Variants in GRB10 observed in about 807,000 individuals in gnomAD.
GRB10 encodes growth factor receptor bound protein 10, also known as growth factor receptor-bound protein 10.
In GRB10, 20 loss-of-function variants were observed where a neutral mutation model predicts 80.9. The observed-to-expected ratio is 0.25, with a 90% CI of 0.17 to 0.36. The LOEUF is 0.36. Among genes scored for constraint, GRB10 ranks in the 10% least tolerant of loss-of-function variants. GRB10 has a pLI of 1.00. For synonymous variants in GRB10, 291 were observed against 291.5 expected (o/e 1.00, Z 0.02); for missense variants, 548 against 747.7 (o/e 0.73, Z 3.12).
At chr7:50,661,271 C>T (rs566565681) in intron 7 of GRB10, among the ~76,000 whole-genome samples, 2 of 152,300 alleles carry the variant, frequency 1.3e-5, no homozygotes, top group Admixed American at 1.3e-4. Context: ...ATTGTATGCA[C>T]AAACCCTTAT....
chr7:50,741,764 A>G (rs2071799018), intron 3 of GRB10, among the ~76,000 whole-genome samples: 1 of 152,168 alleles, frequency 6.6e-6, no homozygotes, highest in Non-Finnish European at 1.5e-5. Context: ...TAAAGACAAA[A>G]TAAATGAACA....
At chr7:50,707,262 T>C (rs1563530178) in intron 4 of GRB10, among the ~76,000 whole-genome samples, 1 of 152,220 alleles carries the variant, frequency 6.6e-6, no homozygotes, top group Admixed American at 6.5e-5. Context: ...GAAAATACAA[T>C]GACTCCTTCC....
chr7:50,709,026 G>C (rs963395679), intron 4 of GRB10, among the ~76,000 whole-genome samples: 6 of 152,150 alleles, frequency 3.9e-5, no homozygotes, highest in African/African-American at 7.2e-5. Flanking sequence ...CTACCTCTAG[G>C]GGAAGGTGAA....
At chr7:50,772,048 C>T (rs1200944577) in intron 2 of GRB10, among the ~76,000 whole-genome samples, 4 of 152,148 alleles carry the variant, frequency 2.6e-5, no homozygotes, top group Non-Finnish European at 4.4e-5. Flanking sequence ...GTACAAGAGG[C>T]GAAGTGAAAT....
chr7:50,768,790 G>A (rs904371385), intron 2 of GRB10, among the ~76,000 whole-genome samples: 3 of 152,208 alleles, frequency 2.0e-5, no homozygotes, highest in Non-Finnish European at 2.9e-5. Context: ...GTTCACAAGT[G>A]TCTGAAAGGG....
chr7:50,596,012 G>A (rs1357267548), intron 17 of GRB10, among the ~76,000 whole-genome samples: 2 of 152,128 alleles, frequency 1.3e-5, no homozygotes, highest in Admixed American at 1.3e-4. Context: ...TAATACGGGA[G>A]AAGATGAAAA....
At chr7:50,790,733 C>T (rs976111821) in intron 1 of GRB10, among the ~76,000 whole-genome samples, 4 of 152,248 alleles carry the variant, frequency 2.6e-5, no homozygotes, top group Non-Finnish European at 5.9e-5. Flanking sequence ...AGATTCCATT[C>T]CTTAAATTAT....
At chr7:50,617,013 G>A (rs116107910) in intron 10 of GRB10, among the ~76,000 whole-genome samples, 143 of 152,294 alleles carry the variant, frequency 9.4e-4, no homozygotes, top group African/African-American at 3.2e-3. Context: ...AAGGCACGTC[G>A]GACAGAGCCC....
intron 8 of GRB10, among the ~76,000 whole-genome samples, chr7:50,622,005 G>A (rs1057440109): frequency 3.9e-5 from 6 of 152,196 alleles, no homozygotes; most frequent in Admixed American, 1.3e-4. Context: ...GCCGGTGCAC[G>A]GAAGCTGTGC....
At chr7:50,739,609 G>GT (rs2071387398) in intron 3 of GRB10, among the ~76,000 whole-genome samples, 1 of 152,184 alleles carries the variant, frequency 6.6e-6, no homozygotes, top group African/African-American at 2.4e-5. Context: ...CTGTTCTACT[G>GT]TATTTATTAA....
chr7:50,792,987 C>T lies in GRB10; in HGVS notation c.-294+237G>A, dbSNP rs1588153522. On this transcript the variant is annotated intron_variant, in intron 1 of 16. Coordinates refer to the GRB10 transcript ENST00000335866. ...CGGCTGCCTCCGCCTCCGCCGCGCG[C>T]CCGCAGCCCCAGTCCCGCCTCCGAG... 1.4e-5 allele frequency: 2 copies of T among 144,360 alleles called. 1 individual carries two copies. The highest frequency in any genetic ancestry group is 4.2e-4 in the South Asian group (2 of 4,760). 8.9% of individuals were successfully genotyped at this position (144,360 alleles called of 1,614,324 possible).
intron 4 of GRB10, among the ~76,000 whole-genome samples, chr7:50,727,550 T>C (rs1467834408): frequency 6.6e-6 from 1 of 152,258 alleles, no homozygotes; most frequent in Admixed American, 6.5e-5. Context: ...TATTTACTAA[T>C]ATGTAATTAA....
intron 4 of GRB10, among the ~76,000 whole-genome samples, chr7:50,714,181 G>T (rs1012074809): frequency 1.3e-5 from 2 of 152,066 alleles, no homozygotes; most frequent in Non-Finnish European, 2.9e-5. Context: ...ATATTAATTT[G>T]TTAGAATAGT....
At chr7:50,702,087 C>A (rs2064319209) in intron 5 of GRB10, among the ~76,000 whole-genome samples, 1 of 152,222 alleles carries the variant, frequency 6.6e-6, no homozygotes, top group Admixed American at 6.5e-5. Context: ...CAGTCTGGAG[C>A]TGCTGCCTCA....
At chr7:50,765,990 C>T (rs182306306) in intron 2 of GRB10, among the ~76,000 whole-genome samples, 38 of 152,074 alleles carry the variant, frequency 2.5e-4, no homozygotes, top group African/African-American at 8.4e-4. Context: ...TAGTTAATTC[C>T]GCAGAGCAAA....
Position 50,684,267 on chromosome 7 carries a change from C to CAAAAAA in GRB10, c.140-9615_140-9610dup, listed in dbSNP as rs386410128. Among the ~76,000 whole-genome samples the CAAAAAA allele has an allele frequency of 4.5e-4, 28 of 62,272 alleles. 2 individuals carry two copies. Among genetic ancestry groups the CAAAAAA allele is most frequent in the South Asian group, 8.6e-4 (1 of 1,168 alleles). 40.9% of individuals were successfully genotyped at this position (62,272 alleles called of 152,430 possible). A position where few individuals can be genotyped will look rare whatever the true frequency, so the allele number is the denominator to read the frequency against. The stretch of plus-strand genomic sequence containing the variant: ...CAGACAACTGCAACTCAATCATCAC[C>CAAAAAA]AAAAAAAAAAAAAAAAAAAAAGGTA... On this transcript the variant is annotated intron_variant, in intron 5 of 18. Coordinates refer to ENST00000401949, the MANE Select transcript of GRB10 (RefSeq NM_001350814.2).
At chr7:50,763,563 C>T (rs780972733) in intron 2 of GRB10, among the ~76,000 whole-genome samples, 5 of 152,194 alleles carry the variant, frequency 3.3e-5, no homozygotes, top group Non-Finnish European at 7.3e-5. Context: ...TACACACACA[C>T]GGAATGTTTA....
chr7:50,759,508 C>T lies in GRB10; in HGVS notation c.-216-3452G>A, dbSNP rs542753421. Among the ~76,000 whole-genome samples the T allele has an allele frequency of 3.6e-4, 55 of 152,302 alleles. 2 individuals are homozygous for T. In the South Asian group the frequency reaches 0.011, roughly 32 times the overall value. On this transcript the variant is annotated intron_variant, in intron 2 of 18. Coordinates refer to ENST00000401949, the MANE Select transcript of GRB10 (RefSeq NM_001350814.2). ...GTATTTGGATATGACCTACACACTT[C>T]CATTCACTTTAAAACATTTCTAGAT... is the stretch of plus-strand genomic sequence containing the variant.
chr7:50,715,626 A>C (rs1383301866), intron 4 of GRB10, among the ~76,000 whole-genome samples: 1 of 152,206 alleles, frequency 6.6e-6, no homozygotes, highest in African/African-American at 2.4e-5. Flanking sequence ...TTTCCTCACC[A>C]ATAAAATCAG....
Sources: gnomAD v4.1 joint callset for allele counts (sites outside exome capture counted in the v4.1 genomes callset) on GRCh38, gnomAD v4.1.1 for gene constraint, MANE v1.5 for transcripts, NCBI Gene and HGNC (gene_info 2026-07-23, HGNC 2026-07-21) for gene names.